Variants in KIAA1671 observed in about 807,000 individuals in gnomAD.
KIAA1671 encodes uncharacterized protein KIAA1671.
KIAA1671 carries 52 observed loss-of-function variants against 131.2 expected under a neutral mutation model. The ratio of observed to expected loss-of-function variants is 0.40; its 90% CI spans 0.32 to 0.50. KIAA1671 has a LOEUF of 0.50. Among genes scored for constraint, KIAA1671 ranks in the 20% least tolerant of loss-of-function variants. The probability of loss-of-function intolerance (pLI) is 0.73; values close to 1 mark genes in which losing one functional copy is unlikely to be tolerated. For synonymous variants in KIAA1671, 1,003 were observed against 961.6 expected (o/e 1.04, Z -0.80); for missense variants, 2,360 against 2,364.2 (o/e 1.00, Z 0.04).
intron 1 of KIAA1671, among the ~76,000 whole-genome samples, chr22:25,020,323 C>T (rs971060188): frequency 1.3e-4 from 20 of 152,268 alleles, no homozygotes; most frequent in Middle Eastern, 3.4e-3. Flanking sequence ...AGCATGGTGC[C>T]TAACTCTTGA....
In KIAA1671 at chr22:25,185,053, A is replaced by C; in HGVS notation, c.5276A>C (p.Lys1759Thr). 1.9e-6 allele frequency: 3 copies of C among 1,551,652 alleles called. No individual in the cohort carries two copies. The highest frequency in any genetic ancestry group is 1.4e-5 in the African/African-American group (1 of 73,160). ...TGGGCACCCCAACCCAAGAGCCCCA[A>C]GTCCCCCTTCCAGCCTGGGGTGCTG... ...PSWAPQPKSP[K>T]SPFQPGVLGS... The change falls in exon 11 of 13, where the codon AAG (lysine) becomes ACG (threonine). Residue 1759 changes from lysine (K) to threonine (T), a missense_variant. Lys to Thr is a moderately conservative substitution (Grantham distance 78). Around this residue, in one of 3 missense-constraint regions of KIAA1671, gnomAD observed 1,161 missense variants for 1,204.7 expected, o/e 0.96. Transcript: ENST00000358431.
intron 6 of KIAA1671, among the ~76,000 whole-genome samples, chr22:25,093,978 C>T (rs1341375344): frequency 6.6e-6 from 1 of 151,644 alleles, no homozygotes; most frequent in Non-Finnish European, 1.5e-5. Context: ...GGACTTCTCA[C>T]TTTGGGTTAA....
chr22:25,174,276 G>A lies in KIAA1671; in HGVS notation c.4686G>A (p.Ser1562=), dbSNP rs1192015531. 9.0e-6 allele frequency: 14 copies of A among 1,551,374 alleles called. No homozygotes were observed. Among genetic ancestry groups the A allele is most frequent in the African/African-American group, 8.2e-5 (6 of 72,950 alleles). ...ATESPDSSAT[S]TRKQPPSSRL... is the part of the protein sequence containing the mutation. ...AGTCCCCAGATAGCAGTGCCACATC[G>A]ACAAGGAAACAGCCCCCCAGCAGCC... Residue 1562 remains serine (S), a synonymous_variant, in exon 8 of 13, where the codon TCG becomes TCA. Coordinates refer to ENST00000358431, the MANE Select transcript of KIAA1671 (RefSeq NM_001145206.2).
intron 6 of KIAA1671, chr22:25,055,799 GATA>G (rs1927803149): frequency 7.8e-6 from 1 of 128,326 alleles, no homozygotes; most frequent in South Asian, 2.9e-4. Context: ...GATAGATATA[GATA>G]GATATAGATA....
At chr22:25,041,830 A>G (rs55704229) in intron 5 of KIAA1671, among the ~76,000 whole-genome samples, 93 of 152,218 alleles carry the variant, frequency 6.1e-4, no homozygotes, top group Non-Finnish European at 1.2e-3. Context: ...CTGCAGCCAT[A>G]ATCTCCTGGG....
At chr22:25,068,134 ACTGT>A (rs1330309572) in intron 6 of KIAA1671, among the ~76,000 whole-genome samples, 9 of 144,784 alleles carry the variant, frequency 6.2e-5, no homozygotes, top group Non-Finnish European at 1.2e-4. Flanking sequence ...TTTCAGCTGT[ACTGT>A]CTGGCAGTTA....
intron 1 of KIAA1671, among the ~76,000 whole-genome samples, chr22:24,970,271 C>A (rs898800955): frequency 6.6e-6 from 1 of 152,162 alleles, no homozygotes; most frequent in African/African-American, 2.4e-5. Context: ...GGCCCACTAC[C>A]TCCAAGAAGG....
intron 6 of KIAA1671, chr22:25,063,104 A>G (rs368616728): frequency 1.3e-5 from 2 of 152,088 alleles, no homozygotes; most frequent in Non-Finnish European, 2.9e-5. Flanking sequence ...GATTTCGTAC[A>G]GGAAGGAATT....
intron 1 of KIAA1671, among the ~76,000 whole-genome samples, chr22:25,007,228 C>T (rs1001597421): frequency 6.6e-6 from 1 of 152,168 alleles, no homozygotes; most frequent in East Asian, 1.9e-4. Flanking sequence ...TGGCTCACGT[C>T]TGTAATCCCA....
intron 6 of KIAA1671, among the ~76,000 whole-genome samples, chr22:25,107,105 T>C (rs984747833): frequency 6.6e-6 from 1 of 152,066 alleles, no homozygotes; most frequent in Admixed American, 6.6e-5. Flanking sequence ...TCTATAAAAT[T>C]TGCTATGTGG....
At position 25,028,041 on chromosome 22, in the gene KIAA1671, G is replaced by A. The variant is rs1222041642; in HGVS notation, c.42G>A (p.Thr14=). The change falls in exon 3 of 13, where the codon ACG becomes ACA. Residue 14 remains threonine (T), a synonymous_variant. Transcript: ENST00000358431. ...RVEVGSITPL[T]AVPGLGEMGK... The stretch of plus-strand genomic sequence containing the variant: ...AGGTGGGCTCCATAACGCCCTTGAC[G>A]GCCGTGCCAGGCCTGGGTGAGATGG... 40 of 1,533,534 alleles carry A rather than the reference G, an allele frequency of 2.6e-5. No homozygotes were observed. Among genetic ancestry groups the A allele is most frequent in the South Asian group, 2.6e-4 (21 of 82,020 alleles). 95.0% of individuals were successfully genotyped at this position (1,533,534 alleles called of 1,614,324 possible).
chr22:25,031,875 G>A (rs1484605336), intron 3 of KIAA1671, among the ~76,000 whole-genome samples: 2 of 152,204 alleles, frequency 1.3e-5, no homozygotes, highest in African/African-American at 4.8e-5. Context: ...CAGACCCTGG[G>A]TTGCTGAGTA....
At chr22:25,025,280 G>A (rs1046561150) in intron 1 of KIAA1671, among the ~76,000 whole-genome samples, 3 of 152,080 alleles carry the variant, frequency 2.0e-5, no homozygotes, top group African/African-American at 7.2e-5. Context: ...CATTTAAAAA[G>A]TGACATTTGT....
intron 6 of KIAA1671, among the ~76,000 whole-genome samples, chr22:25,144,932 G>A (rs1381971693): frequency 6.6e-6 from 1 of 152,194 alleles, no homozygotes; most frequent in Non-Finnish European, 1.5e-5. Context: ...AAAGAAGTAA[G>A]GGGTATGTCT....
In KIAA1671 at chr22:25,093,816, CTCTCTCTT is replaced by C. The variant is rs1930235766; in HGVS notation, c.4530+44460_4530+44467del. On this transcript the variant is annotated intron_variant, in intron 6 of 12. Transcript: ENST00000358431. ...TCTCTCTCTCTCTCTCTCTCTGTCT[CTCTCTCTT>C]TCTCTCTCTGTCTGTCTCTCTCTCT... Among the ~76,000 whole-genome samples, 20 of 93,132 alleles carry C rather than the reference CTCTCTCTT, an allele frequency of 2.1e-4. 1 individual carries two copies. Among genetic ancestry groups the C allele is most frequent in the African/African-American group, 3.3e-4 (7 of 21,056 alleles). 61.1% of individuals were successfully genotyped at this position (93,132 alleles called of 152,430 possible).
At chr22:24,956,559 G>A (rs1295635773) in intron 1 of KIAA1671, among the ~76,000 whole-genome samples, 1 of 152,206 alleles carries the variant, frequency 6.6e-6, no homozygotes, top group Non-Finnish European at 1.5e-5. Flanking sequence ...TCCCGGAGGA[G>A]GCAGATAGAA....
At chr22:25,111,753 C>G (rs1601325095) in intron 6 of KIAA1671, 1 of 85,108 alleles carries the variant, frequency 1.2e-5, no homozygotes, top group Non-Finnish European at 2.1e-5. Flanking sequence ...GCCCAAAGGC[C>G]GCCCCCTCCA....
intron 5 of KIAA1671, among the ~76,000 whole-genome samples, chr22:25,045,864 T>A (rs1450375822): frequency 6.6e-6 from 1 of 152,200 alleles, no homozygotes; most frequent in Non-Finnish European, 1.5e-5. Flanking sequence ...CTGCTAGAAT[T>A]ACAGGCGTGA....
chr22:24,976,841 C>G (rs1319743321), intron 1 of KIAA1671, among the ~76,000 whole-genome samples: 1 of 124,734 alleles, frequency 8.0e-6, no homozygotes, highest in East Asian at 2.0e-4. Flanking sequence ...TCTGGCTTCC[C>G]GGGGACCTGC....
Sources: gnomAD v4.1 joint callset for allele counts (sites outside exome capture counted in the v4.1 genomes callset) on GRCh38, gnomAD v4.1.1 for gene constraint, gnomAD v4.1.1 regional missense constraint, MANE v1.5 for transcripts, NCBI Gene and HGNC (gene_info 2026-07-23, HGNC 2026-07-21) for gene names.